TBL1XR1: variants seen among roughly 807,000 people sequenced by gnomAD.
The protein encoded by TBL1XR1 is TBL1X/Y related 1, also known as F-box-like/WD repeat-containing protein TBL1XR1.
TBL1XR1 carries 5 observed loss-of-function variants against 66.9 expected under a neutral mutation model. The observed-to-expected ratio is 0.07, with a 90% CI of 0.04 to 0.16. TBL1XR1 has a LOEUF of 0.16. Ranked by LOEUF, TBL1XR1 falls within the 10% of genes least tolerant of loss-of-function variation. The probability of loss-of-function intolerance (pLI) is 1.00; values close to 1 mark genes in which losing one functional copy is unlikely to be tolerated. For synonymous variants in TBL1XR1, 210 were observed against 206.0 expected (o/e 1.02, Z -0.17); for missense variants, 238 against 623.2 (o/e 0.38, Z 6.58).
At chr3:177,146,607 A>AAAAAAAAAAAAAG (rs1230752188) in intron 1 of TBL1XR1, among the ~76,000 whole-genome samples, 2 of 149,338 alleles carry the variant, frequency 1.3e-5, no homozygotes, top group Admixed American at 6.7e-5. Flanking sequence ...AAAAAAAAAA[A>AAAAAAAAAAAAAG]GTTGTATTCA....
At chr3:177,026,831 A>G (rs551608850) in intron 14 of TBL1XR1, 1 of 174,402 alleles carries the variant, frequency 5.7e-6, no homozygotes, top group Admixed American at 6.3e-5. Flanking sequence ...GAGTCTAGCT[A>G]ACATGTAGAG....
chr3:177,176,750 G>A lies in TBL1XR1; in HGVS notation c.-122+20371C>T, dbSNP rs192146666. 2.6e-5 allele frequency among the ~76,000 whole-genome samples: 4 copies of A among 152,222 alleles called. No homozygotes were observed. In the East Asian group the frequency reaches 7.8e-4, roughly 30 times the overall value. On this transcript the variant is annotated intron_variant, in intron 1 of 15. Transcript: ENST00000457928. The stretch of plus-strand genomic sequence containing the variant: ...AAGTCACTTGAACACGGGAGGCAGA[G>A]GTTGCAGTGAGCCAAGATTGCGCCA...
chr3:177,021,721 A>G lies in TBL1XR1; in HGVS notation c.*3777T>C, dbSNP rs1439477284. ...CAGGGTCTCTTGTAGATTTGCTGCT[A>G]TTCCACAAAATGTTGGCATTTGCTG... On this transcript the variant is annotated 3_prime_UTR_variant, in exon 16 of 16. Transcript: ENST00000457928. 2 of 152,602 alleles carry G rather than the reference A, an allele frequency of 1.3e-5. No homozygotes were observed. Among genetic ancestry groups the G allele is most frequent in the Non-Finnish European group, 2.9e-5 (2 of 67,990 alleles). The allele number at this position is 152,602 out of a possible 1,614,324, so 9.5% of individuals were successfully genotyped here.
At chr3:177,043,171 CAAGTT>C (rs1228155313) in intron 10 of TBL1XR1, among the ~76,000 whole-genome samples, 26 of 152,072 alleles carry the variant, frequency 1.7e-4, no homozygotes, top group African/African-American at 6.3e-4. Flanking sequence ...TCATTTAGGT[CAAGTT>C]ATCGGATAAT....
intron 1 of TBL1XR1, among the ~76,000 whole-genome samples, chr3:177,194,780 C>A (rs186216773): frequency 6.6e-6 from 1 of 152,260 alleles, no homozygotes; most frequent in East Asian, 1.9e-4. Context: ...GGTAATCATG[C>A]AAAACCTTTA....
intron 1 of TBL1XR1, among the ~76,000 whole-genome samples, chr3:177,162,052 G>A (rs1171532984): frequency 6.6e-6 from 1 of 152,166 alleles, no homozygotes; most frequent in Non-Finnish European, 1.5e-5. Flanking sequence ...GGTTATAGCA[G>A]TTTCTAAAGT....
At chr3:177,124,193 C>T (rs2108765151) in intron 1 of TBL1XR1, among the ~76,000 whole-genome samples, 1 of 152,064 alleles carries the variant, frequency 6.6e-6, no homozygotes, top group East Asian at 1.9e-4. Context: ...AAGACAATAC[C>T]TCCTGTTTTC....
chr3:177,046,067 A>G, intron 10 of TBL1XR1, 62 bp downstream of exon 10: 1 of 1,284,266 alleles, frequency 7.8e-7, no homozygotes, highest in Non-Finnish European at 1.1e-6. Context: ...ATATGCTGTT[A>G]AAAGTTTAAT....
At chr3:177,165,357 A>C (rs1171788725) in intron 1 of TBL1XR1, among the ~76,000 whole-genome samples, 1 of 152,178 alleles carries the variant, frequency 6.6e-6, no homozygotes, top group Non-Finnish European at 1.5e-5. Flanking sequence ...AACTAAATAA[A>C]TGGAGAAATA....
chr3:177,185,717 A>G (rs1221254932), intron 1 of TBL1XR1, among the ~76,000 whole-genome samples: 1 of 152,122 alleles, frequency 6.6e-6, no homozygotes, highest in African/African-American at 2.4e-5. Context: ...TAAATATATA[A>G]AAGAAGCATT....
chr3:177,050,664 T>TC, intron 5 of TBL1XR1, 54 bp from the exon 6 acceptor site: 1 of 1,601,442 alleles, frequency 6.2e-7, no homozygotes, highest in South Asian at 1.1e-5. Flanking sequence ...TACAACATGG[T>TC]GGATGGGTGA....
At chr3:177,077,265 A>G (rs1293226300) in intron 2 of TBL1XR1, among the ~76,000 whole-genome samples, 1 of 152,196 alleles carries the variant, frequency 6.6e-6, no homozygotes, top group African/African-American at 2.4e-5. Context: ...TCTTATAATA[A>G]TAGTTTTATT....
intron 1 of TBL1XR1, among the ~76,000 whole-genome samples, chr3:177,187,000 C>A (rs1339254804): frequency 6.6e-6 from 1 of 151,978 alleles, no homozygotes; most frequent in African/African-American, 2.4e-5. Flanking sequence ...CCCCGTCTCT[C>A]CTAAAAACAC....
At chr3:177,026,244 A>G (rs1319080081) in intron 15 of TBL1XR1, 129 bp downstream of exon 15, 24 of 231,498 alleles carry the variant, frequency 1.0e-4, no homozygotes, top group East Asian at 2.0e-4. Flanking sequence ...CAGCCTCAGG[A>G]AAAAAAAAAA....
intron 2 of TBL1XR1, among the ~76,000 whole-genome samples, chr3:177,076,400 A>G (rs6787560): frequency 0.014 from 2,140 of 152,254 alleles, 51 homozygotes; most frequent in African/African-American, 0.05. Flanking sequence ...TCTCTTTTTT[A>G]TAAGGACTCC....
At chr3:177,089,955 T>C (rs1002426985) in intron 2 of TBL1XR1, among the ~76,000 whole-genome samples, 3 of 152,228 alleles carry the variant, frequency 2.0e-5, no homozygotes, top group Non-Finnish European at 4.4e-5. Context: ...AAAAAAGACA[T>C]CATATATACT....
intron 5 of TBL1XR1, 145 bp from the exon 6 acceptor site, chr3:177,050,755 A>G (rs1716954820): frequency 2.5e-6 from 2 of 810,838 alleles, no homozygotes; most frequent in African/African-American, 3.5e-5. Flanking sequence ...GAACATGACT[A>G]CACAGTCTTA....
chr3:177,166,263 T>C (rs1228345039), intron 1 of TBL1XR1, among the ~76,000 whole-genome samples: 1 of 151,738 alleles, frequency 6.6e-6, no homozygotes, highest in Non-Finnish European at 1.5e-5. Flanking sequence ...ATAAATAAAA[T>C]ACAATAAAGG....
chr3:177,156,709 G>A (rs1275136867), intron 1 of TBL1XR1, among the ~76,000 whole-genome samples: 1 of 151,902 alleles, frequency 6.6e-6, no homozygotes, highest in Non-Finnish European at 1.5e-5. Flanking sequence ...ACAAAAAGAT[G>A]TATGAATGTC....
Sources: allele counts gnomAD v4.1 joint callset (sites outside exome capture counted in the v4.1 genomes callset), GRCh38; gene constraint gnomAD v4.1.1; transcripts MANE v1.5; gene names NCBI Gene and HGNC (gene_info 2026-07-23, HGNC 2026-07-21).